DMD: variants seen among roughly 807,000 people sequenced by gnomAD.
DMD encodes the protein dystrophin.
DMD carries 63 observed loss-of-function variants against 330.1 expected under a neutral mutation model. That is an observed-to-expected ratio of 0.19 (90% CI 0.16 to 0.24). The LOEUF (loss-of-function observed/expected upper bound fraction) is 0.24. Ranked by LOEUF, DMD falls within the 10% of genes least tolerant of loss-of-function variation. DMD has a pLI of 1.00. For missense variants in DMD, 3,344 were observed against 2,684.1 expected (o/e 1.25, Z -5.43); for synonymous variants, 1,223 against 959.8 (o/e 1.27, Z -5.07).
At chrX:32,871,790 T>G (rs2083019240) in intron 2 of DMD, among the ~76,000 whole-genome samples, 1 of 111,397 alleles carries the variant, frequency 9.0e-6, no homozygotes. Flanking sequence ...ACTCTGAGAC[T>G]AAGTTTCAGA....
At chrX:32,849,213 C>A (rs2080934323) in intron 3 of DMD, among the ~76,000 whole-genome samples, 1 of 111,745 alleles carries the variant, frequency 8.9e-6, no homozygotes. Flanking sequence ...ATCAACATGA[C>A]TTCACTGATC....
chrX:31,637,699 T>TA (rs2079494833), intron 54 of DMD, among the ~76,000 whole-genome samples: 1 of 111,487 alleles, frequency 9.0e-6, no homozygotes. Context: ...CTCTTGTTCT[T>TA]AAAAAACTTA....
intron 44 of DMD, among the ~76,000 whole-genome samples, chrX:32,141,189 G>A (rs753744945): frequency 1.8e-5 from 2 of 109,187 alleles, no homozygotes; most frequent in African/African-American, 6.7e-5. Context: ...ACTTTGGGAG[G>A]CTGAGTCGGG....
chrX:33,034,448 A>C (rs1005097131), intron 1 of DMD, among the ~76,000 whole-genome samples: 3 of 111,931 alleles, frequency 2.7e-5, no homozygotes, highest in Non-Finnish European at 5.6e-5. Context: ...CCTCACCTGT[A>C]GAATAATGAT....
chrX:32,766,913 A>T (rs1396704384), intron 7 of DMD, among the ~76,000 whole-genome samples: 1 of 111,401 alleles, frequency 9.0e-6, no homozygotes, highest in Non-Finnish European at 1.9e-5. Flanking sequence ...TACAATAAAA[A>T]GAGGCATATA....
intron 61 of DMD, among the ~76,000 whole-genome samples, chrX:31,342,039 A>C (rs1256096982): frequency 9.0e-6 from 1 of 110,865 alleles, no homozygotes; most frequent in Non-Finnish European, 1.9e-5. Context: ...TACCAGTCAA[A>C]AATTGTTGGT....
chrX:32,868,004 T>C (rs920026587), intron 2 of DMD, among the ~76,000 whole-genome samples: 3 of 104,142 alleles, frequency 2.9e-5, no homozygotes, highest in African/African-American at 1.1e-4. Context: ...AAACCGTGAG[T>C]GAATCCTGCA....
At chrX:32,547,173 A>G (rs2049055629) in intron 16 of DMD, among the ~76,000 whole-genome samples, 1 of 111,443 alleles carries the variant, frequency 9.0e-6, no homozygotes, top group Non-Finnish European at 1.9e-5. Context: ...TACAGACCAG[A>G]ATGCAGAGAT....
At chrX:32,776,379 C>G (rs2074150146) in intron 7 of DMD, among the ~76,000 whole-genome samples, 1 of 110,023 alleles carries the variant, frequency 9.1e-6, no homozygotes, top group African/African-American at 3.3e-5. Flanking sequence ...TATCTGGGCA[C>G]CAATTTTCTG....
At chrX:31,428,756 T>A (rs188921593) in intron 60 of DMD, among the ~76,000 whole-genome samples, 84 of 112,555 alleles carry the variant, frequency 7.5e-4, no homozygotes, top group African/African-American at 2.6e-3. Flanking sequence ...GTAATTTGGA[T>A]ACATTAGCTA....
At chrX:31,215,095 T>C (rs1329415717) in intron 64 of DMD, among the ~76,000 whole-genome samples, 9 of 107,119 alleles carry the variant, frequency 8.4e-5, no homozygotes, top group South Asian at 4.4e-4. Context: ...TCGCTCGCCA[T>C]CACGCCTGGC....
At chrX:33,011,440 C>T (rs961391035) in intron 2 of DMD, among the ~76,000 whole-genome samples, 2 of 111,982 alleles carry the variant, frequency 1.8e-5, no homozygotes, top group African/African-American at 6.5e-5. Context: ...ATTGTCTCTG[C>T]GTAGACAACA....
At chrX:31,832,891 T>C (rs187382085) in intron 49 of DMD, among the ~76,000 whole-genome samples, 1 of 112,032 alleles carries the variant, frequency 8.9e-6, no homozygotes, top group Admixed American at 9.5e-5. Flanking sequence ...AAGTTAAAAA[T>C]GAGTATGAAT....
intron 47 of DMD, among the ~76,000 whole-genome samples, chrX:31,916,052 G>T (rs190564005): frequency 6.2e-4 from 70 of 112,113 alleles, no homozygotes; most frequent in African/African-American, 2.2e-3. Flanking sequence ...AAGAAGTCTT[G>T]TTTCCTTCTC....
At chrX:32,292,117 C>G (rs1275836627) in intron 42 of DMD, among the ~76,000 whole-genome samples, 1 of 109,642 alleles carries the variant, frequency 9.1e-6, no homozygotes, top group Non-Finnish European at 1.9e-5. Flanking sequence ...ATCAGGTGCT[C>G]TATATAATCT....
At chrX:32,158,912 C>G (rs1253014831) in intron 44 of DMD, among the ~76,000 whole-genome samples, 1 of 112,030 alleles carries the variant, frequency 8.9e-6, no homozygotes, top group Non-Finnish European at 1.9e-5. Flanking sequence ...CTTGGCCAGG[C>G]AAATAATTTG....
intron 44 of DMD, among the ~76,000 whole-genome samples, chrX:32,213,616 G>C (rs893147842): frequency 8.9e-6 from 1 of 111,749 alleles, no homozygotes; most frequent in Non-Finnish European, 1.9e-5. Flanking sequence ...TGGACATCTA[G>C]AATGATTTTT....
At chrX:31,403,792 GC>G (rs2061296834) in intron 60 of DMD, among the ~76,000 whole-genome samples, 1 of 111,205 alleles carries the variant, frequency 9.0e-6, no homozygotes, top group Non-Finnish European at 1.9e-5. Context: ...GCCTAAAATA[GC>G]TTTTCCTTTG....
chrX:31,775,135 A>G (rs898880310), intron 50 of DMD, among the ~76,000 whole-genome samples: 1 of 111,771 alleles, frequency 8.9e-6, no homozygotes, highest in Non-Finnish European at 1.9e-5. Context: ...AAGAGGAATA[A>G]TAACAGGGTA....
Sources: gnomAD v4.1 joint callset for allele counts (sites outside exome capture counted in the v4.1 genomes callset) on GRCh38, gnomAD v4.1.1 for gene constraint, MANE v1.5 for transcripts, NCBI Gene and HGNC (gene_info 2026-07-23, HGNC 2026-07-21) for gene names.